Variants in ARHGAP5 observed in about 807,000 individuals in gnomAD.
ARHGAP5 encodes the protein Rho GTPase activating protein 5, also known as rho GTPase-activating protein 5.
In ARHGAP5, 23 loss-of-function variants were observed where a neutral mutation model predicts 116.6. The ratio of observed to expected loss-of-function variants is 0.20; its 90% CI spans 0.14 to 0.28. The LOEUF is 0.28. Ranked by LOEUF, ARHGAP5 falls within the 10% of genes least tolerant of loss-of-function variation. The pLI is 1.00. For missense variants in ARHGAP5, 1,405 were observed against 1,774.8 expected (o/e 0.79, Z 3.74); for synonymous variants, 574 against 602.0 (o/e 0.95, Z 0.68).
At chr14:32,121,075 AG>A (rs576141223) in intron 3 of ARHGAP5, among the ~76,000 whole-genome samples, 180 of 137,368 alleles carry the variant, frequency 1.3e-3, no homozygotes, top group African/African-American at 4.7e-3. Flanking sequence ...TGAAGTGCAG[AG>A]GTGTAACTTC....
chr14:32,094,647 A>T (rs1878434631), intron 2 of ARHGAP5, among the ~76,000 whole-genome samples: 1 of 152,058 alleles, frequency 6.6e-6, no homozygotes. Context: ...CCCAGATATG[A>T]AGTGATTTTG....
At chr14:32,141,868 G>T (rs116595299) in intron 3 of ARHGAP5, among the ~76,000 whole-genome samples, 1 of 151,972 alleles carries the variant, frequency 6.6e-6, no homozygotes, top group Non-Finnish European at 1.5e-5. Flanking sequence ...TCTGAAGATC[G>T]AATAGGCTGT....
chr14:32,152,493 T>C lies in ARHGAP5; in HGVS notation c.4146T>C (p.Tyr1382=). The change falls in exon 6 of 7, where the codon TAT becomes TAC. Residue 1382 remains tyrosine (Y), a synonymous_variant. Coordinates refer to ENST00000345122, the MANE Select transcript of ARHGAP5 (RefSeq NM_001030055.2). ...TTAAGAAATTTCATCCTGTAAACTA[T>C]GATGTATTCAGATACGTGATAACAC... ...EIVKKFHPVN[Y]DVFRYVITHL... The C allele has an allele frequency of 6.2e-7, 1 of 1,604,158 alleles. No homozygotes were observed. Among genetic ancestry groups the C allele is most frequent in the Admixed American group, 1.7e-5 (1 of 57,816 alleles).
At chr14:32,131,395 T>C (rs1880485238) in intron 3 of ARHGAP5, among the ~76,000 whole-genome samples, 1 of 152,158 alleles carries the variant, frequency 6.6e-6, no homozygotes, top group Non-Finnish European at 1.5e-5. Flanking sequence ...TGTTAACCAT[T>C]TTGAAATATA....
intron 3 of ARHGAP5, among the ~76,000 whole-genome samples, chr14:32,125,922 T>G (rs1290605746): frequency 6.6e-6 from 1 of 152,216 alleles, no homozygotes; most frequent in African/African-American, 2.4e-5. Context: ...TATGGATGTT[T>G]ATGGTGGTGT....
At chr14:32,151,976 C>T (rs1443966915) in intron 5 of ARHGAP5, among the ~76,000 whole-genome samples, 3 of 152,054 alleles carry the variant, frequency 2.0e-5, no homozygotes, top group African/African-American at 7.3e-5. Context: ...GCTCTCCAAC[C>T]CCTAGGCCAC....
chr14:32,083,065 A>G (rs921813024), intron 1 of ARHGAP5, among the ~76,000 whole-genome samples: 1 of 152,230 alleles, frequency 6.6e-6, no homozygotes, highest in African/African-American at 2.4e-5. Context: ...GTGGTCAGCC[A>G]TTCTACCCTA....
chr14:32,096,453 T>C (rs1260546717), intron 2 of ARHGAP5, among the ~76,000 whole-genome samples: 3 of 151,928 alleles, frequency 2.0e-5, no homozygotes, highest in Admixed American at 6.6e-5. Flanking sequence ...CTGGTAATAG[T>C]GATGTGAGAA....
intron 2 of ARHGAP5, among the ~76,000 whole-genome samples, chr14:32,100,221 G>A (rs1878727674): frequency 6.6e-6 from 1 of 152,164 alleles, no homozygotes; most frequent in South Asian, 2.1e-4. Flanking sequence ...TTATTTATGA[G>A]ATGTAATCTT....
intron 3 of ARHGAP5, among the ~76,000 whole-genome samples, chr14:32,134,889 A>G (rs187653332): frequency 1.4e-4 from 21 of 152,330 alleles, no homozygotes; most frequent in Admixed American, 5.9e-4. Flanking sequence ...CATCACGTTT[A>G]CAAGAATGAC....
Position 32,114,545 on chromosome 14 carries a change from C to T in ARHGAP5, c.3718-2595C>T, listed in dbSNP as rs114402196. On this transcript the variant is annotated intron_variant, in intron 2 of 6. Coordinates refer to ENST00000345122, the MANE Select transcript of ARHGAP5 (RefSeq NM_001030055.2). ...TTGCCCTTGGCTTGCTGAGTTAGGT[C>T]TTGAGCCAGAAACAGACACTCCAAT... Among the ~76,000 whole-genome samples the T allele has an allele frequency of 8.3e-3, 1,265 of 152,228 alleles. 11 individuals carry two copies. The highest frequency in any genetic ancestry group is 0.023 in the African/African-American group (945 of 41,534).
chr14:32,086,857 TA>T (rs2041834550), intron 1 of ARHGAP5, among the ~76,000 whole-genome samples: 1 of 150,708 alleles, frequency 6.6e-6, no homozygotes, highest in African/African-American at 2.5e-5. Flanking sequence ...AAGACAATCT[TA>T]AAGGCAGAAT....
Position 32,093,758 on chromosome 14 carries a change from A to G in ARHGAP5, c.3089A>G (p.His1030Arg), listed in dbSNP as rs1878382036. The G allele has an allele frequency of 3.1e-6, 5 of 1,614,120 alleles. No individual in the cohort carries two copies. The highest frequency in any genetic ancestry group is 1.6e-4 in the Middle Eastern group (1 of 6,062). ...PIHSTPNCHD[H>R]ERNHKVPPPI... ...CATAGTACCCCAAACTGTCATGACC[A>G]TGAACGCAACCATAAAGTGCCTCCA... The change falls in exon 2 of 7, where the codon CAT becomes CGT. Residue 1030 changes from histidine (H) to arginine (R), a missense_variant. Transcript: ENST00000345122.
At chr14:32,132,279 A>C (rs896103771) in intron 3 of ARHGAP5, among the ~76,000 whole-genome samples, 1 of 152,144 alleles carries the variant, frequency 6.6e-6, no homozygotes. Flanking sequence ...TTGCCACTCT[A>C]ACTGGTGTGA....
intron 3 of ARHGAP5, among the ~76,000 whole-genome samples, chr14:32,135,658 G>A (rs956885405): frequency 6.6e-6 from 1 of 152,214 alleles, no homozygotes; most frequent in African/African-American, 2.4e-5. Flanking sequence ...CCTGGCCTCA[G>A]ATGATCCACC....
In ARHGAP5 at chr14:32,093,889, A is replaced by G. The variant is rs775985492; in HGVS notation, c.3220A>G (p.Thr1074Ala). The change falls in exon 2 of 7, where the codon ACT becomes GCT. Residue 1074 changes from threonine to alanine, a missense_variant. By Grantham distance (58) the Thr-to-Ala change is moderately conservative. Coordinates refer to ENST00000345122, the MANE Select transcript of ARHGAP5 (RefSeq NM_001030055.2). ...TATTGGTAAAAATCCAAGAAAGCAG[A>G]CTTCCCGGGTGCCTTTGGCACATCC... ...AGIGKNPRKQTSRVPLAHPED... is the reference protein window; with the variant it reads ...AGIGKNPRKQASRVPLAHPED... 6 of 1,614,150 alleles carry G rather than the reference A, an allele frequency of 3.7e-6. No homozygotes were observed. In the South Asian group the frequency reaches 4.4e-5, roughly 12 times the overall value.
chr14:32,120,909 C>G (rs923316223), intron 3 of ARHGAP5, among the ~76,000 whole-genome samples: 2 of 151,412 alleles, frequency 1.3e-5, no homozygotes, highest in Non-Finnish European at 2.9e-5. Context: ...CTGTTGAAAT[C>G]TGCAATCATG....
chr14:32,153,732 A>G (rs904898263), intron 6 of ARHGAP5, among the ~76,000 whole-genome samples: 2 of 151,876 alleles, frequency 1.3e-5, no homozygotes, highest in Non-Finnish European at 2.9e-5. Flanking sequence ...CGGCCTCCCA[A>G]AGAGCTGGGG....
chr14:32,152,123 A>G (rs555215855), intron 5 of ARHGAP5, among the ~76,000 whole-genome samples: 1 of 152,282 alleles, frequency 6.6e-6, no homozygotes, highest in East Asian at 1.9e-4. Flanking sequence ...TGAACCACGC[A>G]TGCAGGGGAT....
Sources: allele counts gnomAD v4.1 joint callset (sites outside exome capture counted in the v4.1 genomes callset), GRCh38; gene constraint gnomAD v4.1.1; transcripts MANE v1.5; gene names NCBI Gene and HGNC (gene_info 2026-07-23, HGNC 2026-07-21).